Variants in MARCHF1 observed in about 807,000 individuals in gnomAD.
MARCHF1 encodes the protein E3 ubiquitin-protein ligase MARCHF1.
MARCHF1 carries 40 observed loss-of-function variants against 54.2 expected under a neutral mutation model. The observed-to-expected ratio is 0.74, with a 90% CI of 0.57 to 0.96. The LOEUF (loss-of-function observed/expected upper bound fraction) is 0.96. MARCHF1 is among the 40% of genes least tolerant of loss of function. The probability of loss-of-function intolerance (pLI) is 0.00; values close to 1 mark genes in which losing one functional copy is unlikely to be tolerated. For missense variants in MARCHF1, 586 were observed against 656.5 expected (o/e 0.89, Z 1.17); for synonymous variants, 236 against 236.3 (o/e 1.00, Z 0.01).
At chr4:163,569,637 C>T (rs534969547) in intron 8 of MARCHF1, among the ~76,000 whole-genome samples, 102 of 152,202 alleles carry the variant, frequency 6.7e-4, no homozygotes, top group African/African-American at 2.2e-3. Flanking sequence ...GCTTATCCAA[C>T]GTTACAAAGC....
intron 3 of MARCHF1, among the ~76,000 whole-genome samples, chr4:163,898,494 T>C (rs935864863): frequency 2.0e-5 from 3 of 152,142 alleles, no homozygotes; most frequent in African/African-American, 7.2e-5. Flanking sequence ...TGTTATCTTA[T>C]ACCAGTCAGA....
intron 3 of MARCHF1, among the ~76,000 whole-genome samples, chr4:163,929,540 A>AT (rs991813340): frequency 3.0e-4 from 45 of 151,864 alleles, no homozygotes; most frequent in African/African-American, 9.4e-4. Flanking sequence ...CCAATTAAGT[A>AT]TTTTTTTTCC....
chr4:163,910,555 C>T lies in MARCHF1; in HGVS notation c.-38-56386G>A, dbSNP rs112861714. On this transcript the variant is annotated intron_variant, in intron 3 of 9. Coordinates refer to ENST00000514618, the MANE Select transcript of MARCHF1 (RefSeq NM_001394959.1). ...TCTTGTCCAGGCAGAAGTGCAATGG[C>T]GCGATCTTGGCTCACTGCACCCTTC... 1.4e-3 allele frequency among the ~76,000 whole-genome samples: 211 copies of T among 152,218 alleles called. 1 individual carries two copies. The highest frequency in any genetic ancestry group is 2.6e-3 in the Admixed American group (40 of 15,288).
intron 8 of MARCHF1, among the ~76,000 whole-genome samples, chr4:163,553,044 A>AAAAG (rs1739166275): frequency 1.7e-4 from 20 of 117,138 alleles, no homozygotes; most frequent in Admixed American, 1.7e-3. Context: ...AAAAAAAAAA[A>AAAAG]AAAAAAAGAA....
chr4:164,159,701 T>C (rs934062953), intron 1 of MARCHF1, among the ~76,000 whole-genome samples: 1 of 152,172 alleles, frequency 6.6e-6, no homozygotes, highest in Admixed American at 6.5e-5. Context: ...GTAAAGGAGC[T>C]ATAAAGGAAA....
At chr4:163,530,350 G>A (rs1299400831) in intron 9 of MARCHF1, 3 of 151,830 alleles carry the variant, frequency 2.0e-5, no homozygotes, top group Non-Finnish European at 4.4e-5. Flanking sequence ...TGATCATCAT[G>A]TGATAAGATT....
At chr4:164,346,517 T>A (rs1414397075) in intron 1 of MARCHF1, among the ~76,000 whole-genome samples, 3 of 151,322 alleles carry the variant, frequency 2.0e-5, no homozygotes, top group Admixed American at 1.3e-4. Flanking sequence ...CAGGTCTTCA[T>A]CTTTTGCCTC....
intron 2 of MARCHF1, among the ~76,000 whole-genome samples, chr4:164,075,942 A>G (rs997022517): frequency 3.9e-5 from 6 of 152,204 alleles, no homozygotes; most frequent in African/African-American, 1.2e-4. Flanking sequence ...CTGACTGTCT[A>G]TCATATAGAT....
intron 1 of MARCHF1, among the ~76,000 whole-genome samples, chr4:164,248,981 A>G (rs746958728): frequency 4.6e-5 from 7 of 152,074 alleles, no homozygotes; most frequent in African/African-American, 7.2e-5. Context: ...ACCTCTAAAG[A>G]GATGCTTTAT....
chr4:164,075,011 A>T (rs923154212), intron 2 of MARCHF1, among the ~76,000 whole-genome samples: 7 of 152,104 alleles, frequency 4.6e-5, no homozygotes, highest in African/African-American at 1.7e-4. Flanking sequence ...CACTATGTGC[A>T]CATTATATTT....
intron 4 of MARCHF1, among the ~76,000 whole-genome samples, chr4:163,786,500 CT>C (rs1747623831): frequency 6.6e-6 from 1 of 151,764 alleles, no homozygotes; most frequent in Admixed American, 6.6e-5. Context: ...ACTAAATTTG[CT>C]TCTAAAACAT....
Position 164,028,974 on chromosome 4 carries a change from T to G in MARCHF1, c.-247-40265A>C, listed in dbSNP as rs988414100. ...ATTGACTCATAGTAACTTTACAAAG[T>G]GATATATTTATTGTTGCTTAAATAT... On this transcript the variant is annotated intron_variant, in intron 2 of 9. Transcript: ENST00000514618. Among the ~76,000 whole-genome samples, 5 of 152,312 alleles carry G rather than the reference T, an allele frequency of 3.3e-5. 1 individual carries two copies. In the South Asian group the frequency reaches 1.0e-3, roughly 32 times the overall value.
chr4:163,677,926 A>G (rs1743971814), intron 5 of MARCHF1, among the ~76,000 whole-genome samples: 1 of 152,232 alleles, frequency 6.6e-6, no homozygotes, highest in Non-Finnish European at 1.5e-5. Context: ...GTAAAAGTAT[A>G]GTTTCTTAAC....
intron 1 of MARCHF1, among the ~76,000 whole-genome samples, chr4:164,162,192 A>G (rs1245078946): frequency 3.9e-5 from 6 of 152,166 alleles, no homozygotes; most frequent in African/African-American, 1.4e-4. Context: ...AGAGTAAAAT[A>G]AATTACCAAA....
chr4:163,724,277 C>T (rs1000019147), intron 4 of MARCHF1, among the ~76,000 whole-genome samples: 1 of 152,214 alleles, frequency 6.6e-6, no homozygotes, highest in African/African-American at 2.4e-5. Flanking sequence ...TGGAGGTCCA[C>T]TCTAGACCCT....
chr4:163,638,104 A>T (rs1286540792), intron 5 of MARCHF1, among the ~76,000 whole-genome samples: 1 of 73,240 alleles, frequency 1.4e-5, no homozygotes, highest in Admixed American at 2.0e-4. Flanking sequence ...GGGTGGGGGG[A>T]GGGGGGAGGG....
chr4:164,339,812 C>G (rs1729861739), intron 1 of MARCHF1, among the ~76,000 whole-genome samples: 1 of 152,020 alleles, frequency 6.6e-6, no homozygotes, highest in Non-Finnish European at 1.5e-5. Flanking sequence ...AATCAACAAA[C>G]ATTTAGCCAG....
intron 1 of MARCHF1, among the ~76,000 whole-genome samples, chr4:164,245,658 T>C (rs1247333758): frequency 2.0e-5 from 3 of 152,048 alleles, no homozygotes; most frequent in Non-Finnish European, 2.9e-5. Flanking sequence ...GGAAGTCAAA[T>C]TGTCCCTCTT....
chr4:164,045,792 T>C lies in MARCHF1; in HGVS notation c.-247-57083A>G, dbSNP rs1754230873. Among the ~76,000 whole-genome samples the C allele has an allele frequency of 1.3e-5, 2 of 151,708 alleles. 1 individual carries two copies. The highest frequency in any genetic ancestry group is 4.1e-4 in the South Asian group (2 of 4,828). ...GGCATTCTGACCTCAAACAAAAGCA[T>C]CTCAAGATACTTTTAACTATTTAAT... On this transcript the variant is annotated intron_variant, in intron 2 of 9. Coordinates refer to ENST00000514618, the MANE Select transcript of MARCHF1 (RefSeq NM_001394959.1).
Sources: gnomAD v4.1 joint callset for allele counts (sites outside exome capture counted in the v4.1 genomes callset) on GRCh38, gnomAD v4.1.1 for gene constraint, MANE v1.5 for transcripts, NCBI Gene and HGNC (gene_info 2026-07-23, HGNC 2026-07-21) for gene names.